The following TUSC3 variants were observed in gnomAD, a reference collection of about 807,000 sequenced individuals.
TUSC3 encodes dolichyl-diphosphooligosaccharide--protein glycosyltransferase subunit TUSC3.
In TUSC3, 45 loss-of-function variants were observed where a neutral mutation model predicts 44.8. The observed-to-expected ratio is 1.00, with a 90% confidence interval of 0.79 to 1.29. The LOEUF (loss-of-function observed/expected upper bound fraction) is 1.29, where lower values mean the gene tolerates loss of function less well. TUSC3 is among the 50% of genes most tolerant of loss of function. The probability of loss-of-function intolerance (pLI) is 0.00; values close to 1 mark genes in which losing one functional copy is unlikely to be tolerated. For missense variants in TUSC3, 519 were observed against 437.9 expected, an observed-to-expected ratio of 1.19 and a Z score of -1.65; for synonymous variants, 212 against 152.9, an observed-to-expected ratio of 1.39 and a Z score of -2.85.
intron 1 of TUSC3, among the ~76,000 whole-genome samples, chr8:15,585,435 G>A (rs933905604): frequency 6.6e-6 from 1 of 152,198 alleles, no homozygotes; most frequent in Non-Finnish European, 1.5e-5. Flanking sequence ...AGGTTGGAGC[G>A]AAAGTTTAAT....
chr8:15,576,292 A>AT (rs1296664535), intron 1 of TUSC3, among the ~76,000 whole-genome samples: 1 of 70,112 alleles, frequency 1.4e-5, no homozygotes, highest in Non-Finnish European at 3.1e-5. Context: ...TTTTTTTTTT[A>AT]TTTTTTTATT....
At chr8:15,532,549 G>C (rs553408101) in intron 2 of TUSC3, among the ~76,000 whole-genome samples, 4 of 152,286 alleles carry the variant, frequency 2.6e-5, no homozygotes, top group East Asian at 1.9e-4. Flanking sequence ...ACTGGGGAGA[G>C]AGTAAGAAGT....
chr8:15,425,165 G>T (rs915845492), intron 1 of TUSC3, among the ~76,000 whole-genome samples: 2 of 152,288 alleles, frequency 1.3e-5, no homozygotes, highest in East Asian at 3.9e-4. Context: ...CAAGCAAGGG[G>T]ATGGGAGATT....
At chr8:15,832,785 A>T in the TUSC3 span, among the ~76,000 whole-genome samples, 7 of 152,146 alleles carry the variant, frequency 4.6e-5, no homozygotes, top group African/African-American at 1.7e-4. Context: ...TCCTAAAGCA[A>T]GTTCTTAGAG....
chr8:15,759,798 C>T (rs1002122786), intron 10 of TUSC3, among the ~76,000 whole-genome samples: 2 of 152,102 alleles, frequency 1.3e-5, no homozygotes, highest in African/African-American at 4.8e-5. Context: ...ACCTGAATAC[C>T]ACATTAACAG....
intron 1 of TUSC3, among the ~76,000 whole-genome samples, chr8:15,587,521 G>T (rs1803649692): frequency 6.6e-6 from 1 of 152,026 alleles, no homozygotes; most frequent in Admixed American, 6.6e-5. Flanking sequence ...ATCAAATCAG[G>T]GTAATTAGCA....
At chr8:15,508,889 C>A (rs1185943472) in intron 2 of TUSC3, among the ~76,000 whole-genome samples, 2 of 152,168 alleles carry the variant, frequency 1.3e-5, no homozygotes, top group Non-Finnish European at 2.9e-5. Flanking sequence ...CTTAATTCTT[C>A]CATGTAGGGT....
At chr8:15,735,694 T>A (rs1231342252) in intron 7 of TUSC3, among the ~76,000 whole-genome samples, 1 of 152,080 alleles carries the variant, frequency 6.6e-6, no homozygotes, top group African/African-American at 2.4e-5. Flanking sequence ...TATGTTGATT[T>A]ATTTTTTATT....
At position 15,581,651 on chromosome 8, in the gene TUSC3, C is replaced by A. The variant is rs969252980; in HGVS notation, c.138+41083C>A. 3.3e-5 allele frequency among the ~76,000 whole-genome samples: 5 copies of A among 149,628 alleles called. 1 individual carries two copies. Among genetic ancestry groups the A allele is most frequent in the African/African-American group, 1.3e-4 (5 of 39,940 alleles). ...GCTTGGGGGTCAGGGGTCAGGGACCCACTTGAGGAGGCAGTCTGCCCGTTC... is the reference window on the plus strand; with the variant it reads ...GCTTGGGGGTCAGGGGTCAGGGACCAACTTGAGGAGGCAGTCTGCCCGTTC... On this transcript the variant is annotated intron_variant, in intron 1 of 10. Coordinates refer to ENST00000503731, the MANE Select transcript of TUSC3 (RefSeq NM_006765.4).
intron 1 of TUSC3, among the ~76,000 whole-genome samples, chr8:15,599,624 C>T (rs1437933222): frequency 6.7e-6 from 1 of 149,912 alleles, no homozygotes; most frequent in Non-Finnish European, 1.5e-5. Flanking sequence ...AGTCTAGATT[C>T]ATTTTTTTGC....
chr8:15,622,959 C>G, intron 1 of TUSC3, 121 bp from the exon 2 acceptor site: 1 of 1,029,742 alleles, frequency 9.7e-7, no homozygotes, highest in Non-Finnish European at 1.4e-6. Context: ...GGTCTTTTAT[C>G]TTTTCTATAA....
chr8:15,521,300 T>G (rs1381864937), intron 2 of TUSC3, among the ~76,000 whole-genome samples: 1 of 152,126 alleles, frequency 6.6e-6, no homozygotes, highest in East Asian at 1.9e-4. Flanking sequence ...CCACTGACCT[T>G]CAGGGTTCAT....
chr8:15,684,125 A>G (rs1808527910), intron 6 of TUSC3, among the ~76,000 whole-genome samples: 1 of 152,024 alleles, frequency 6.6e-6, no homozygotes, highest in African/African-American at 2.4e-5. Context: ...GGGGCCATAT[A>G]TGACTGCCTC....
At chr8:15,566,858 T>C (rs2129141914) in intron 1 of TUSC3, among the ~76,000 whole-genome samples, 2 of 152,246 alleles carry the variant, frequency 1.3e-5, no homozygotes, top group Middle Eastern at 3.4e-3. Context: ...CTCTTAAATT[T>C]CTGGGATCCA....
chr8:15,808,887 A>G, the TUSC3 span, among the ~76,000 whole-genome samples: 5 of 152,160 alleles, frequency 3.3e-5, no homozygotes, highest in African/African-American at 1.2e-4. Context: ...ACATGTATTT[A>G]TAGAGTACAA....
intron 1 of TUSC3, among the ~76,000 whole-genome samples, chr8:15,437,125 AG>A (rs1350898132): frequency 6.6e-6 from 1 of 152,178 alleles, no homozygotes; most frequent in African/African-American, 2.4e-5. Context: ...AGACCTGAAA[AG>A]TTCTGTTTCC....
the TUSC3 span, among the ~76,000 whole-genome samples, chr8:15,788,250 G>A: frequency 3.1e-5 from 4 of 128,612 alleles, no homozygotes; most frequent in African/African-American, 8.1e-5. Context: ...CCATTCTTGT[G>A]GGGGAGGTAA....
the TUSC3 span, among the ~76,000 whole-genome samples, chr8:15,777,010 G>A: frequency 1.3e-5 from 2 of 152,018 alleles, no homozygotes; most frequent in East Asian, 3.9e-4. Context: ...ATCTCATGTA[G>A]ACAGGTTGTG....
chr8:15,483,407 C>T (rs1418737564), exon 2 of TUSC3: 1 of 175,670 alleles, frequency 5.7e-6, no homozygotes, highest in Non-Finnish European at 1.2e-5. Flanking sequence ...ATGGCACCAT[C>T]TCGACTCACC....
Sources: allele counts gnomAD v4.1 joint callset (sites outside exome capture counted in the v4.1 genomes callset), GRCh38; gene constraint gnomAD v4.1.1; transcripts MANE v1.5; gene names NCBI Gene and HGNC (gene_info 2026-07-23, HGNC 2026-07-21).